The following TFPI variants were observed in gnomAD, a reference collection of about 807,000 sequenced individuals.
TFPI encodes anti-convertin.
Under a neutral mutation model 34.6 loss-of-function variants are expected in TFPI, and 15 were observed. That is an observed-to-expected ratio of 0.43 (90% confidence interval 0.29 to 0.67). The LOEUF (loss-of-function observed/expected upper bound fraction) is 0.67, where lower values mean the gene tolerates loss of function less well. Among genes scored for constraint, TFPI ranks in the 30% least tolerant of loss-of-function variants. The pLI is 0.15. For missense variants in TFPI, 301 were observed against 364.0 expected (o/e 0.83, Z 1.41); for synonymous variants, 105 against 120.1 (o/e 0.87, Z 0.82).
In TFPI at chr2:187,521,726, G is replaced by C. The variant is rs182663795; in HGVS notation, c.-2-17956C>G. Among the ~76,000 whole-genome samples, 430 of 151,992 alleles carry C rather than the reference G, an allele frequency of 2.8e-3. 4 individuals are homozygous for C. The highest frequency in any genetic ancestry group is 9.8e-3 in the African/African-American group (407 of 41,390). ...TGGGATTACAGGCGCCTGCCACCAT[G>C]CCTGGCTAATTTTTGTATTTTTAGT... On this transcript the variant is annotated intron_variant, in intron 1 of 7. Coordinates refer to ENST00000233156, the MANE Select transcript of TFPI (RefSeq NM_006287.6).
At chr2:187,493,904 C>A (rs962013558) in intron 3 of TFPI, among the ~76,000 whole-genome samples, 2 of 152,168 alleles carry the variant, frequency 1.3e-5, no homozygotes, top group Admixed American at 1.3e-4. Context: ...CTTGGAAGTT[C>A]CAAACTTTCC....
chr2:187,522,551 T>G (rs1687438409), intron 1 of TFPI, among the ~76,000 whole-genome samples: 1 of 151,964 alleles, frequency 6.6e-6, no homozygotes, highest in Admixed American at 6.6e-5. Flanking sequence ...AGGGCAGATC[T>G]ATTTTGTCTT....
chr2:187,497,499 TAC>T (rs904264472), intron 2 of TFPI, among the ~76,000 whole-genome samples: 1 of 152,000 alleles, frequency 6.6e-6, no homozygotes, highest in Non-Finnish European at 1.5e-5. Flanking sequence ...CATATATATA[TAC>T]ACACACATAT....
intron 1 of TFPI, among the ~76,000 whole-genome samples, chr2:187,521,433 A>C (rs538015394): frequency 6.6e-6 from 1 of 152,142 alleles, no homozygotes; most frequent in South Asian, 2.1e-4. Flanking sequence ...CTCTGATTTT[A>C]ATTCTTTTTT....
At position 187,534,212 on chromosome 2, in the gene TFPI, C is replaced by T. The variant is rs539542964; in HGVS notation, c.-3+19988G>A. Among the ~76,000 whole-genome samples the T allele has an allele frequency of 1.9e-3, 296 of 152,266 alleles. 1 individual carries two copies. The highest frequency in any genetic ancestry group is 6.8e-3 in the African/African-American group (281 of 41,552). ...GGCCAACATTCAAATTCAGGAAATA[C>T]AGAGAACACCACAAAGGTACTCCTC... On this transcript the variant is annotated intron_variant, in intron 1 of 7. Coordinates refer to ENST00000233156, the MANE Select transcript of TFPI (RefSeq NM_006287.6).
intron 1 of TFPI, among the ~76,000 whole-genome samples, chr2:187,512,176 C>G (rs1007527130): frequency 4.6e-5 from 7 of 151,474 alleles, no homozygotes; most frequent in African/African-American, 9.7e-5. Context: ...TGCATTCACT[C>G]TGTAGCGGCA....
At chr2:187,520,467 G>T in intron 1 of TFPI, 1 of 152,268 alleles carries the variant, frequency 6.6e-6, no homozygotes, top group Non-Finnish European at 1.5e-5. Context: ...TGCCCTCTAT[G>T]GGCTGCACCC....
chr2:187,534,894 C>CAAAAAAAA (rs141872954), intron 1 of TFPI, among the ~76,000 whole-genome samples: 1 of 138,748 alleles, frequency 7.2e-6, no homozygotes, highest in African/African-American at 2.7e-5. Flanking sequence ...AAATGGAAAG[C>CAAAAAAAA]AAAAAAAAAA....
intron 1 of TFPI, among the ~76,000 whole-genome samples, chr2:187,533,177 C>T (rs145891119): frequency 7.8e-4 from 119 of 152,246 alleles, no homozygotes; most frequent in African/African-American, 2.8e-3. Context: ...AGCTATGGAG[C>T]GAGCAGCGGA....
At chr2:187,506,524 C>A (rs889696276) in intron 1 of TFPI, among the ~76,000 whole-genome samples, 1 of 152,064 alleles carries the variant, frequency 6.6e-6, no homozygotes. Context: ...TTCCCCAGCA[C>A]GTTTCTGTTC....
chr2:187,545,467 C>T (rs1474352500), intron 1 of TFPI, among the ~76,000 whole-genome samples: 1 of 152,016 alleles, frequency 6.6e-6, no homozygotes, highest in Non-Finnish European at 1.5e-5. Flanking sequence ...TTTTTAAATA[C>T]AAAAACTGAA....
intron 1 of TFPI, among the ~76,000 whole-genome samples, chr2:187,544,288 A>T (rs2106315075): frequency 6.6e-6 from 1 of 152,336 alleles, no homozygotes; most frequent in East Asian, 1.9e-4. Flanking sequence ...AGCAATGCTT[A>T]ATTTTTTACC....
rs549214211 is a variant in TFPI, at chr2:187,513,602, G to A, written c.-2-9832C>T. ...TAAGAAGGAAAACTTGAGCCATCCT[G>A]TGAAGGAGCTTACCTTGTGCTGCTA... is the stretch of plus-strand genomic sequence containing the variant. On this transcript the variant is annotated intron_variant, in intron 1 of 7. Coordinates refer to ENST00000233156, the MANE Select transcript of TFPI (RefSeq NM_006287.6). 4 of 152,738 alleles carry A rather than the reference G, an allele frequency of 2.6e-5. No homozygotes were observed. In the East Asian group the frequency reaches 5.8e-4, roughly 22 times the overall value. 9.5% of individuals were successfully genotyped at this position (152,738 alleles called of 1,614,324 possible). A position where few individuals can be genotyped will look rare whatever the true frequency, so the allele number is the denominator to read the frequency against.
At chr2:187,553,058 A>G (rs1440600843) in intron 1 of TFPI, among the ~76,000 whole-genome samples, 6 of 152,078 alleles carry the variant, frequency 3.9e-5, no homozygotes, top group African/African-American at 1.4e-4. Context: ...ATTAGATGAG[A>G]TATGGACACT....
intron 6 of TFPI, 181 bp downstream of exon 6, chr2:187,483,943 T>G (rs3213739): frequency 0.54 from 299,051 of 554,962 alleles, 82,810 homozygotes; most frequent in East Asian, 0.69. Flanking sequence ...TTAGGAAAAT[T>G]GTTGCTTTTA....
Position 187,503,736 on chromosome 2 carries a change from A to G in TFPI, c.33T>C (p.Leu11=). The G allele has an allele frequency of 6.2e-7, 1 of 1,613,130 alleles. No individual in the cohort carries two copies. The highest frequency in any genetic ancestry group is 1.1e-5 in the South Asian group (1 of 91,036). The change falls in exon 2 of 8, where the codon CTT becomes CTC. Residue 11 remains leucine (L), a synonymous_variant. Transcript: ENST00000233156. ...TAAGCAGCAGGCATACAGAAGCCCA[A>G]AGTGCATGTACTTTCTTCATTGTGT... is the stretch of plus-strand genomic sequence containing the variant. MIYTMKKVHA[L]WASVCLLLNL...
At chr2:187,469,350 GTA>G (rs1691900152) in intron 6 of TFPI, among the ~76,000 whole-genome samples, 1 of 152,006 alleles carries the variant, frequency 6.6e-6, no homozygotes, top group Non-Finnish European at 1.5e-5. Context: ...CTTTGACTAG[GTA>G]TATATGCAGT....
intron 6 of TFPI, among the ~76,000 whole-genome samples, chr2:187,471,242 A>G (rs912554968): frequency 6.6e-6 from 1 of 152,214 alleles, no homozygotes; most frequent in Non-Finnish European, 1.5e-5. Flanking sequence ...CAGTAAGACT[A>G]TCATTGGGTT....
rs867871964 is a variant in TFPI at position 187,467,830 on chromosome 2, G to A, written c.731C>T (p.Pro244Leu). ...YYNSVIGKCR[P>L]FKYSGCGGNE... is the part of the protein sequence containing the mutation. The stretch of plus-strand genomic sequence containing the variant: ...TCCCCCACATCCACTGTACTTAAAT[G>A]GGCGGCATTTCCCAATGACTGAATT... Residue 244 changes from proline (P) to leucine (L), a missense_variant, in exon 7 of 8, where the codon CCA becomes CTA. Coordinates refer to ENST00000233156, the MANE Select transcript of TFPI (RefSeq NM_006287.6). 1.2e-6 allele frequency: 2 copies of A among 1,612,692 alleles called. No individual in the cohort carries two copies. Among genetic ancestry groups the A allele is most frequent in the Non-Finnish European group, 1.7e-6 (2 of 1,179,356 alleles).
Sources: gnomAD v4.1 joint callset for allele counts (sites outside exome capture counted in the v4.1 genomes callset) on GRCh38, gnomAD v4.1.1 for gene constraint, MANE v1.5 for transcripts, NCBI Gene and HGNC (gene_info 2026-07-23, HGNC 2026-07-21) for gene names.